ACSM3: variants seen among roughly 807,000 people sequenced by gnomAD.
ACSM3 encodes the protein acyl-CoA synthetase medium chain family member 3, also known as acyl-coenzyme A synthetase ACSM3, mitochondrial.
A neutral mutation model predicts 74.1 loss-of-function variants in ACSM3; 61 were observed. The observed-to-expected ratio is 0.82, with a 90% CI of 0.67 to 1.02. The LOEUF (loss-of-function observed/expected upper bound fraction) is 1.02, where lower values mean the gene tolerates loss of function less well. ACSM3 is among the 50% of genes least tolerant of loss of function. The pLI, the probability that ACSM3 is intolerant of heterozygous loss-of-function variation, is 0.00. For missense variants in ACSM3, 660 were observed against 697.0 expected (o/e 0.95, Z 0.60); for synonymous variants, 213 against 241.5 (o/e 0.88, Z 1.09).
chr16:20,745,654 G>A lies in ACSM3; in HGVS notation c.-189-4256G>A, dbSNP rs368667685. Among the ~76,000 whole-genome samples the A allele has an allele frequency of 9.2e-5, 14 of 152,272 alleles. No individual in the cohort carries two copies. In the South Asian group the frequency reaches 2.9e-3, roughly 32 times the overall value. On this transcript the variant is annotated intron_variant, in intron 1 of 3. Transcript: ENST00000561584. ...TGTGGCACCATCTAGAGTAGATTAA[G>A]GTGATCTGAGGATGTTACCTTTTGT...
intron 3 of ACSM3, among the ~76,000 whole-genome samples, chr16:20,757,895 T>G (rs1465181087): frequency 6.7e-6 from 1 of 150,232 alleles, no homozygotes; most frequent in Non-Finnish European, 1.5e-5. Flanking sequence ...GAGATAATCA[T>G]GTGGTTTTTG....
Position 20,790,815 on chromosome 16 carries a change from A to G in ACSM3, c.1326+127A>G, listed in dbSNP as rs1052696111. 1 of 1,613,870 alleles carries G rather than the reference A, an allele frequency of 6.2e-7. No individual in the cohort carries two copies. Among genetic ancestry groups the G allele is most frequent in the Admixed American group, 1.7e-5 (1 of 59,968 alleles). On this transcript the variant is annotated intron_variant, in intron 10 of 13. Transcript: ENST00000289416. The surrounding 1 kb of genome is among the most constrained non-coding windows in gnomAD (Gnocchi z 4.0). ...TTTCTTGAGAGATTGGTTGTCCTGA[A>G]TAGTAATCCAAAAGACAAGAAATTG...
intron 2 of ACSM3, among the ~76,000 whole-genome samples, chr16:20,754,061 T>C (rs2080009913): frequency 6.6e-6 from 1 of 152,188 alleles, no homozygotes; most frequent in Non-Finnish European, 1.5e-5. Flanking sequence ...GGACAATTTT[T>C]CCATGGTCAT....
rs115467262 is a variant in ACSM3, at chr16:20,791,639, A to G, written c.1327-363A>G. 6.6e-3 allele frequency among the ~76,000 whole-genome samples: 1,011 copies of G among 152,304 alleles called. 17 individuals carry two copies. Among genetic ancestry groups the G allele is most frequent in the African/African-American group, 0.023 (950 of 41,572 alleles). On this transcript the variant is annotated intron_variant, in intron 10 of 13. Coordinates refer to ENST00000289416, the MANE Select transcript of ACSM3 (RefSeq NM_005622.4). ...GCTTCCTTGAACATTTAAAAATCCA[A>G]TTGAGGGCCAGGAGCGGTGGCTTAT...
chr16:20,797,213 T>C lies in ACSM3; in HGVS notation c.*241T>C. The C allele has an allele frequency of 3.3e-6, 4 of 1,213,754 alleles. No individual in the cohort carries two copies. The highest frequency in any genetic ancestry group is 4.1e-6 in the Non-Finnish European group (4 of 975,342). The allele number at this position is 1,213,754 out of a possible 1,614,324, so 75.2% of individuals were successfully genotyped here. On this transcript the variant is annotated 3_prime_UTR_variant, in exon 14 of 14. Transcript: ENST00000289416. ...ATATAAAAATAATACCATCAATTGC[T>C]GATTAATTTTTAAATGTATAGTATA... is the stretch of plus-strand genomic sequence containing the variant.
rs1219839549 is a variant in ACSM3, at chr16:20,741,729, G to C, written c.-189-8181G>C. 3 of 1,572,068 alleles carry C rather than the reference G, an allele frequency of 1.9e-6. No individual in the cohort carries two copies. In the African/African-American group the frequency reaches 4.0e-5, roughly 21 times the overall value. On this transcript the variant is annotated intron_variant, in intron 1 of 3. Transcript: ENST00000561584. ...GCCAGGCTGAGTAGTCTGCTGGGCA[G>C]GGGCCGCCATGGTGTGCGCAAACTG...
chr16:20,698,997 C>G (rs1397965354), intron 1 of ACSM3: 2 of 152,178 alleles, frequency 1.3e-5, no homozygotes, highest in Admixed American at 1.3e-4. Context: ...AATTTGGTAT[C>G]CTGGTAAAAT....
chr16:20,768,412 C>T (rs2080151037), intron 1 of ACSM3, among the ~76,000 whole-genome samples: 1 of 152,160 alleles, frequency 6.6e-6, no homozygotes, highest in African/African-American at 2.4e-5. Context: ...ATGTCAACAT[C>T]TACCAATTCA....
chr16:20,724,242 A>G (rs2079796816), intron 1 of ACSM3, among the ~76,000 whole-genome samples: 1 of 152,236 alleles, frequency 6.6e-6, no homozygotes, highest in South Asian at 2.1e-4. Flanking sequence ...AAATCAATAA[A>G]CATAATCCAG....
chr16:20,749,850 G>A (rs2079976263), intron 1 of ACSM3: 1 of 152,256 alleles, frequency 6.6e-6, no homozygotes, highest in Non-Finnish European at 1.5e-5. Flanking sequence ...GCTCCAGAGT[G>A]TAAAAGAAGG....
At chr16:20,758,419 C>T (rs1223965085) in intron 3 of ACSM3, among the ~76,000 whole-genome samples, 1 of 152,068 alleles carries the variant, frequency 6.6e-6, no homozygotes, top group Non-Finnish European at 1.5e-5. Flanking sequence ...AGTTTATTTG[C>T]GTAGAGGTGT....
At chr16:20,685,787 T>A (rs1596954791) in intron 1 of ACSM3, among the ~76,000 whole-genome samples, 1 of 129,960 alleles carries the variant, frequency 7.7e-6, no homozygotes, top group Non-Finnish European at 1.6e-5. Flanking sequence ...ACCATTGCAC[T>A]CCAGCCTGGA....
chr16:20,679,690 ACT>A (rs933939122), intron 1 of ACSM3: 3 of 151,938 alleles, frequency 2.0e-5, no homozygotes, highest in African/African-American at 7.3e-5. Context: ...CATAGTTAAA[ACT>A]CTACTGTACC....
chr16:20,736,195 CAG>C (rs924809422), intron 1 of ACSM3: 15 of 152,024 alleles, frequency 9.9e-5, no homozygotes, highest in African/African-American at 3.6e-4. Flanking sequence ...TTTATTAAGA[CAG>C]AATTTCTTTG....
chr16:20,695,617 T>A (rs1416924733), intron 1 of ACSM3, among the ~76,000 whole-genome samples: 1 of 152,144 alleles, frequency 6.6e-6, no homozygotes, highest in Non-Finnish European at 1.5e-5. Context: ...ATCTATCTAT[T>A]ACCTATCTAT....
intron 7 of ACSM3, 79 bp downstream of exon 7, chr16:20,781,866 G>A: frequency 9.0e-7 from 1 of 1,112,940 alleles, no homozygotes; most frequent in East Asian, 2.4e-5. Context: ...CTTTCTGCCT[G>A]AAACATAGCT....
intron 1 of ACSM3, chr16:20,741,914 GT>G: frequency 6.5e-7 from 1 of 1,534,418 alleles, no homozygotes; most frequent in Non-Finnish European, 8.7e-7. Flanking sequence ...CGTGAAAGGG[GT>G]GGAGTGATAC....
chr16:20,741,858 G>T (rs1281387253), intron 1 of ACSM3: 36 of 1,535,724 alleles, frequency 2.3e-5, no homozygotes, highest in Non-Finnish European at 3.1e-5. Flanking sequence ...AGCCGGCCTC[G>T]AAGCCTCATT....
intron 1 of ACSM3, among the ~76,000 whole-genome samples, chr16:20,677,868 G>GA (rs554816453): frequency 1.6e-3 from 235 of 150,580 alleles, no homozygotes; most frequent in Admixed American, 2.4e-3. Context: ...TATTTACAAA[G>GA]AAAAAAAAGG....
Sources: allele counts gnomAD v4.1 joint callset (sites outside exome capture counted in the v4.1 genomes callset), GRCh38; gene constraint gnomAD v4.1.1; non-coding constraint Gnocchi (gnomAD v3.1); transcripts MANE v1.5; gene names NCBI Gene and HGNC (gene_info 2026-07-23, HGNC 2026-07-21).